Variants in TJP1 observed in about 807,000 individuals in gnomAD.
TJP1 encodes tight junction protein 1, also known as tight junction protein ZO-1.
TJP1 carries 43 observed loss-of-function variants against 194.2 expected under a neutral mutation model. That is an observed-to-expected ratio of 0.22 (90% confidence interval 0.17 to 0.29). The LOEUF (loss-of-function observed/expected upper bound fraction) is 0.29, where lower values mean the gene tolerates loss of function less well. Among genes scored for constraint, TJP1 ranks in the 10% least tolerant of loss-of-function variants. The probability of loss-of-function intolerance (pLI) is 1.00; values close to 1 mark genes in which losing one functional copy is unlikely to be tolerated. For synonymous variants in TJP1, 801 were observed against 779.0 expected, an observed-to-expected ratio of 1.03 and a Z score of -0.47; for missense variants, 1,971 against 2,185.7, an observed-to-expected ratio of 0.90 and a Z score of 1.96.
chr15:29,717,835 A>G (rs1247631269), intron 22 of TJP1, among the ~76,000 whole-genome samples, 186 bp downstream of exon 22: 2 of 152,210 alleles, frequency 1.3e-5, no homozygotes, highest in Non-Finnish European at 2.9e-5. Flanking sequence ...CAGATTTGTC[A>G]GAAATAAAGT....
chr15:29,938,941 G>A (rs562310207), intron 2 of TJP1, among the ~76,000 whole-genome samples: 1 of 152,282 alleles, frequency 6.6e-6, no homozygotes, highest in Non-Finnish European at 1.5e-5. Context: ...GCTTGCCCTG[G>A]GGCATAAGGG....
chr15:29,767,193 G>A (rs2046379697), intron 4 of TJP1, among the ~76,000 whole-genome samples: 1 of 152,018 alleles, frequency 6.6e-6, no homozygotes, highest in African/African-American at 2.4e-5. Flanking sequence ...GCTCTGTATT[G>A]CCTGTCCACT....
intron 1 of TJP1, chr15:29,968,084 G>GT (rs952120686): frequency 2.0e-6 from 2 of 985,388 alleles, no homozygotes; most frequent in Non-Finnish European, 2.4e-6. Context: ...CTTTAAGGAT[G>GT]TTTTTTCCTC....
intron 2 of TJP1, among the ~76,000 whole-genome samples, chr15:29,855,597 T>C (rs1476217685): frequency 6.6e-6 from 1 of 152,204 alleles, no homozygotes; most frequent in Admixed American, 6.5e-5. Context: ...GGCTCACACC[T>C]GTAATCCCAG....
At chr15:29,949,173 CCACCTCCATCACCTCCACCACCAG>C (rs2055408651) in intron 2 of TJP1, among the ~76,000 whole-genome samples, 1 of 150,030 alleles carries the variant, frequency 6.7e-6, no homozygotes, top group Non-Finnish European at 1.5e-5. Context: ...TCCACCACCA[CCACCTCCATCACCTCCACCACCAG>C]CACCTCCACC....
At chr15:29,810,366 G>T (rs1174234872) in intron 1 of TJP1, among the ~76,000 whole-genome samples, 1 of 152,126 alleles carries the variant, frequency 6.6e-6, no homozygotes, top group African/African-American at 2.4e-5. Context: ...GAGGGGACTA[G>T]AAATTAATTA....
In TJP1 at chr15:29,883,539, CCA is replaced by C. The variant is rs563028611; in HGVS notation, c.306+72691_306+72692del. ...ACAGCAACCATTTCCCTACCTCCTT[CCA>C]CACACAAACAACTTTTCAGCAGTGA... is the stretch of plus-strand genomic sequence containing the variant. On this transcript the variant is annotated intron_variant, in intron 2 of 28. Coordinates refer to the TJP1 transcript ENST00000356107. 2.5e-3 allele frequency among the ~76,000 whole-genome samples: 386 copies of C among 152,168 alleles called. 1 individual carries two copies. The highest frequency in any genetic ancestry group is 3.4e-3 in the Non-Finnish European group (231 of 68,004).
At chr15:29,949,055 TCCA>T (rs1478568654) in intron 2 of TJP1, among the ~76,000 whole-genome samples, 66 of 103,650 alleles carry the variant, frequency 6.4e-4, no homozygotes, top group African/African-American at 2.4e-3. Context: ...CTCCGCCACC[TCCA>T]CCACCACCTC....
At chr15:29,755,848 T>C (rs538312942) in intron 8 of TJP1, among the ~76,000 whole-genome samples, 1 of 152,280 alleles carries the variant, frequency 6.6e-6, no homozygotes, top group Non-Finnish European at 1.5e-5. Context: ...ATTTCCCACA[T>C]TTCAATTTCA....
chr15:29,968,600 C>T, intron 1 of TJP1: 2 of 932,640 alleles, frequency 2.1e-6, no homozygotes, highest in Non-Finnish European at 2.6e-6. Flanking sequence ...CTCGCTCTCC[C>T]ACTCCGGCCC....
intron 2 of TJP1, among the ~76,000 whole-genome samples, chr15:29,870,003 TTCACCATGTTGGCCAGAC>T (rs1034231460): frequency 1.8e-4 from 28 of 151,660 alleles, no homozygotes; most frequent in Non-Finnish European, 3.4e-4. Context: ...CAGATGGGGT[TTCACCATGTTGGCCAGAC>T]TCACCATGTT....
At chr15:29,806,540 T>C (rs530390663) in intron 1 of TJP1, among the ~76,000 whole-genome samples, 2 of 152,338 alleles carry the variant, frequency 1.3e-5, no homozygotes, top group South Asian at 2.1e-4. Flanking sequence ...GTTCCTTCTG[T>C]GAGCAAAGCT....
At chr15:29,926,711 C>A (rs1555454546) in intron 2 of TJP1, among the ~76,000 whole-genome samples, 1 of 151,366 alleles carries the variant, frequency 6.6e-6, no homozygotes, top group Non-Finnish European at 1.5e-5. Context: ...CTTTCTTCAT[C>A]TTGATTTCTA....
chr15:29,871,460 A>G (rs1020093252), intron 2 of TJP1, among the ~76,000 whole-genome samples: 4 of 152,234 alleles, frequency 2.6e-5, no homozygotes, highest in Non-Finnish European at 5.9e-5. Context: ...CTGTGAACGT[A>G]GGAGAAGCGA....
chr15:29,783,227 T>C (rs957757213), intron 2 of TJP1, among the ~76,000 whole-genome samples: 2 of 152,140 alleles, frequency 1.3e-5, no homozygotes, highest in Non-Finnish European at 1.5e-5. Flanking sequence ...TGAGCCAAGA[T>C]TGTGCCACTG....
At chr15:29,867,698 G>A (rs958071236) in intron 2 of TJP1, among the ~76,000 whole-genome samples, 2 of 152,108 alleles carry the variant, frequency 1.3e-5, no homozygotes, top group African/African-American at 4.8e-5. Flanking sequence ...CAAGAGGGTA[G>A]CTTGAGGTCA....
At chr15:29,783,933 T>C (rs866105071) in intron 2 of TJP1, among the ~76,000 whole-genome samples, 6 of 152,080 alleles carry the variant, frequency 3.9e-5, no homozygotes, top group Non-Finnish European at 5.9e-5. Context: ...AATCTACACA[T>C]GTACCCTGAA....
intron 2 of TJP1, among the ~76,000 whole-genome samples, chr15:29,865,493 G>T (rs1471596801): frequency 2.0e-5 from 3 of 152,172 alleles, no homozygotes; most frequent in Non-Finnish European, 2.9e-5. Flanking sequence ...ATATCTCTAA[G>T]ACCCTAGGGG....
intron 2 of TJP1, among the ~76,000 whole-genome samples, chr15:29,834,290 C>T (rs1400091030): frequency 1.3e-5 from 2 of 151,078 alleles, no homozygotes; most frequent in South Asian, 2.1e-4. Context: ...GGCGAGATCT[C>T]GGCTCACTGC....
Sources: allele counts gnomAD v4.1 joint callset (sites outside exome capture counted in the v4.1 genomes callset), GRCh38; gene constraint gnomAD v4.1.1; transcripts MANE v1.5; gene names NCBI Gene and HGNC (gene_info 2026-07-23, HGNC 2026-07-21).